Variants in CARMIL1 observed in about 807,000 individuals in gnomAD.
The protein encoded by CARMIL1 is F-actin-uncapping protein LRRC16A.
In CARMIL1, 90 loss-of-function variants were observed where a neutral mutation model predicts 177.1. That is an observed-to-expected ratio of 0.51 (90% CI 0.43 to 0.61). The LOEUF (loss-of-function observed/expected upper bound fraction) is 0.61, where lower values mean the gene tolerates loss of function less well. Among genes scored for constraint, CARMIL1 ranks in the 20% least tolerant of loss-of-function variants. The probability of loss-of-function intolerance (pLI) is 0.00; values close to 1 mark genes in which losing one functional copy is unlikely to be tolerated. For synonymous variants in CARMIL1, 577 were observed against 606.2 expected, an observed-to-expected ratio of 0.95 and a Z score of 0.71; for missense variants, 1,380 against 1,667.0, an observed-to-expected ratio of 0.83 and a Z score of 3.00.
intron 31 of CARMIL1, among the ~76,000 whole-genome samples, chr6:25,591,161 T>G (rs1433810160): frequency 6.6e-6 from 1 of 152,192 alleles, no homozygotes; most frequent in Non-Finnish European, 1.5e-5. Flanking sequence ...GAAGACATTG[T>G]GAGAGATTTG....
chr6:25,568,478 A>C (rs1420100528), intron 29 of CARMIL1, among the ~76,000 whole-genome samples: 1 of 152,132 alleles, frequency 6.6e-6, no homozygotes, highest in African/African-American at 2.4e-5. Context: ...TTTTGGATCT[A>C]ACATTTGATT....
At chr6:25,506,728 G>A (rs1804952544) in intron 17 of CARMIL1, among the ~76,000 whole-genome samples, 1 of 151,978 alleles carries the variant, frequency 6.6e-6, no homozygotes, top group South Asian at 2.1e-4. Flanking sequence ...AAATTTCCCA[G>A]GATAAAAATT....
chr6:25,321,828 T>A (rs1435187101), intron 2 of CARMIL1, among the ~76,000 whole-genome samples: 2 of 151,282 alleles, frequency 1.3e-5, no homozygotes, highest in East Asian at 3.9e-4. Flanking sequence ...CCGGCTAATT[T>A]TTTGTATTTT....
chr6:25,355,689 A>ACAAC (rs1225814822), intron 2 of CARMIL1, among the ~76,000 whole-genome samples: 1 of 152,138 alleles, frequency 6.6e-6, no homozygotes, highest in South Asian at 2.1e-4. Context: ...AGAAAAATAA[A>ACAAC]CAACCAACCA....
intron 2 of CARMIL1, among the ~76,000 whole-genome samples, chr6:25,383,406 A>C (rs1435903776): frequency 6.6e-6 from 1 of 152,244 alleles, no homozygotes; most frequent in Non-Finnish European, 1.5e-5. Context: ...ATAACAATCC[A>C]TAGAGAAGAG....
Position 25,551,018 on chromosome 6 carries a change from A to G in CARMIL1, c.2437A>G (p.Ile813Val), listed in dbSNP as rs1406153474. 6.2e-7 allele frequency: 1 copy of G among 1,613,556 alleles called. No individual in the cohort carries two copies. The highest frequency in any genetic ancestry group is 8.5e-7 in the Non-Finnish European group (1 of 1,179,574). The change falls in exon 27 of 37, where the codon ATT becomes GTT. Residue 813 changes from isoleucine to valine, a missense_variant. Transcript: ENST00000329474. ...LIHASTEKIS[I>V]PRTFVKNVLL... is the part of the protein sequence containing the mutation. ...TCATGCCAGCACCGAAAAGATTTCT[A>G]TTCCACGTACCTTTGTTAAAAATGT...
chr6:25,574,869 ATTTC>A (rs1478723720), intron 29 of CARMIL1, among the ~76,000 whole-genome samples: 3 of 151,794 alleles, frequency 2.0e-5, no homozygotes, highest in Admixed American at 2.0e-4. Flanking sequence ...TTATAAATCT[ATTTC>A]TTATTAATGG....
intron 29 of CARMIL1, among the ~76,000 whole-genome samples, chr6:25,568,223 A>G (rs1032505715): frequency 6.6e-6 from 1 of 152,222 alleles, no homozygotes; most frequent in Non-Finnish European, 1.5e-5. Context: ...ATAGCCTTAT[A>G]TAAATGTATT....
intron 2 of CARMIL1, among the ~76,000 whole-genome samples, chr6:25,315,667 C>T (rs1784219964): frequency 6.6e-6 from 1 of 152,236 alleles, no homozygotes. Flanking sequence ...TTCTTAGTTT[C>T]ACACTGTTGT....
At chr6:25,406,761 A>G (rs1794411144) in intron 2 of CARMIL1, among the ~76,000 whole-genome samples, 1 of 152,182 alleles carries the variant, frequency 6.6e-6, no homozygotes, top group East Asian at 1.9e-4. Flanking sequence ...GCAGATTTTG[A>G]AAGAAAGATC....
intron 2 of CARMIL1, among the ~76,000 whole-genome samples, chr6:25,307,308 T>G (rs149343822): frequency 0.024 from 3,598 of 152,356 alleles, 60 homozygotes; most frequent in Non-Finnish European, 0.038. Context: ...TTTATATACT[T>G]ACATTATGTC....
chr6:25,469,653 G>C (rs1215092084), intron 9 of CARMIL1, among the ~76,000 whole-genome samples: 1 of 152,098 alleles, frequency 6.6e-6, no homozygotes, highest in Non-Finnish European at 1.5e-5. Flanking sequence ...GACATCCTGG[G>C]CTCAAGTGAT....
intron 1 of CARMIL1, among the ~76,000 whole-genome samples, chr6:25,283,775 C>T (rs568651697): frequency 8.4e-4 from 128 of 152,194 alleles, no homozygotes; most frequent in African/African-American, 2.8e-3. Flanking sequence ...TGCAGTGGCA[C>T]GATCTCAGCT....
intron 29 of CARMIL1, among the ~76,000 whole-genome samples, chr6:25,560,991 A>G (rs542502483): frequency 1.3e-5 from 2 of 152,298 alleles, no homozygotes; most frequent in African/African-American, 4.8e-5. Context: ...GCCTCTCTAT[A>G]TGTTATTTTG....
intron 29 of CARMIL1, among the ~76,000 whole-genome samples, chr6:25,567,103 A>G (rs148563739): frequency 3.9e-5 from 6 of 152,318 alleles, no homozygotes; most frequent in South Asian, 2.1e-4. Flanking sequence ...TCACATTGCA[A>G]TAAGGAGTAG....
chr6:25,306,315 G>A (rs1277201214), intron 2 of CARMIL1, among the ~76,000 whole-genome samples: 8 of 152,192 alleles, frequency 5.3e-5, no homozygotes, highest in African/African-American at 1.9e-4. Context: ...CGGCAGGTAA[G>A]TGAGCATTAC....
At chr6:25,356,493 T>G (rs912296179) in intron 2 of CARMIL1, among the ~76,000 whole-genome samples, 6 of 152,210 alleles carry the variant, frequency 3.9e-5, no homozygotes, top group African/African-American at 1.4e-4. Flanking sequence ...AGAGGGAATA[T>G]CTGGGAGCAG....
intron 25 of CARMIL1, 109 bp downstream of exon 25, chr6:25,538,092 A>T (rs543889218): frequency 8.0e-7 from 1 of 1,248,722 alleles, no homozygotes; most frequent in African/African-American, 1.5e-5. Context: ...TTCCAAGTTT[A>T]CTAACAAGTG....
chr6:25,311,829 G>A (rs968783139), intron 2 of CARMIL1, among the ~76,000 whole-genome samples: 2 of 152,194 alleles, frequency 1.3e-5, no homozygotes, highest in South Asian at 2.1e-4. Flanking sequence ...TAGTTTGAAA[G>A]TGATCTCCAA....
Sources: allele counts gnomAD v4.1 joint callset (sites outside exome capture counted in the v4.1 genomes callset), GRCh38; gene constraint gnomAD v4.1.1; transcripts MANE v1.5; gene names NCBI Gene and HGNC (gene_info 2026-07-23, HGNC 2026-07-21).